The following HTT variants were observed in gnomAD, a reference collection of about 807,000 sequenced individuals.
HTT encodes the protein huntingtin, also known as huntington disease protein.
HTT carries 104 observed loss-of-function variants against 362.3 expected under a neutral mutation model. That is an observed-to-expected ratio of 0.29 (90% CI 0.24 to 0.34). The LOEUF (loss-of-function observed/expected upper bound fraction) is 0.34, where lower values mean the gene tolerates loss of function less well. Ranked by LOEUF, HTT falls within the 10% of genes least tolerant of loss-of-function variation. HTT has a pLI of 1.00. For missense variants in HTT, 3,301 were observed against 3,928.6 expected, an observed-to-expected ratio of 0.84 and a Z score of 4.27; for synonymous variants, 1,577 against 1,548.7, an observed-to-expected ratio of 1.02 and a Z score of -0.43.
chr4:3,186,215 C>T (rs1281137393), intron 37 of HTT, among the ~76,000 whole-genome samples: 1 of 152,016 alleles, frequency 6.6e-6, no homozygotes, highest in Non-Finnish European at 1.5e-5. Context: ...AAAAAAAGTG[C>T]ACACCATCCC....
In HTT at chr4:3,178,452, G is replaced by A. The variant is rs754531111; in HGVS notation, c.4612+6G>A. The A allele has an allele frequency of 2.3e-5, 37 of 1,612,508 alleles. No homozygotes were observed. Among genetic ancestry groups the A allele is most frequent in the Non-Finnish European group, 2.8e-5 (33 of 1,179,424 alleles). On this transcript the variant is annotated splice_donor_region_variant and intron_variant, in intron 35 of 66. Coordinates refer to ENST00000355072, the MANE Select transcript of HTT (RefSeq NM_001388492.1). ...AAGGAAGGCTGTGACACATGGTAAC[G>A]GGACACACCTTTCACTGTCGTCTTC...
chr4:3,126,360 A>G (rs1323220111), intron 11 of HTT, among the ~76,000 whole-genome samples: 3 of 152,084 alleles, frequency 2.0e-5, no homozygotes, highest in East Asian at 3.8e-4. Flanking sequence ...GGCCAGTTAC[A>G]GATACTTATC....
At position 3,123,552 on chromosome 4, in the gene HTT, TG is replaced by T. The variant is rs1715392112; in HGVS notation, c.1321+618del. 2.0e-5 allele frequency: 3 copies of T among 152,218 alleles called. No homozygotes were observed. The South Asian group carries it at 6.2e-4, about 32-fold the overall frequency. 9.4% of individuals were successfully genotyped at this position (152,218 alleles called of 1,614,324 possible). On this transcript the variant is annotated intron_variant, in intron 10 of 66. Transcript: ENST00000355072. ...CAAAACAAAAAAACAGCCACGCATGTGGCATGTGCCTGTAGCCTCAGCTGCT... is the reference window on the plus strand; with the variant it reads ...CAAAACAAAAAAACAGCCACGCATGTGCATGTGCCTGTAGCCTCAGCTGCT...
At chr4:3,121,694 CAAA>C (rs1019406950) in intron 9 of HTT, 55 of 39,704 alleles carry the variant, frequency 1.4e-3, no homozygotes, top group South Asian at 7.5e-3. Context: ...CCTGTCTCTA[CAAA>C]AAAAAAAAAA....
chr4:3,177,722 G>A (rs1469369864), intron 34 of HTT, among the ~76,000 whole-genome samples: 1 of 152,142 alleles, frequency 6.6e-6, no homozygotes, highest in Non-Finnish European at 1.5e-5. Flanking sequence ...TTTATATAAT[G>A]TTGTCTTTAG....
At chr4:3,160,462 A>G (rs1024197556) in intron 29 of HTT, 70 bp downstream of exon 29, 1 of 1,069,190 alleles carries the variant, frequency 9.4e-7, no homozygotes, top group African/African-American at 1.6e-5. Context: ...GGCTGAGTTC[A>G]TCTAGGATGG....
At chr4:3,235,182 TG>T (rs1218385976) in intron 61 of HTT, 101 bp from the exon 62 acceptor site, 1 of 846,242 alleles carries the variant, frequency 1.2e-6, no homozygotes. Flanking sequence ...GGAGCCCGCC[TG>T]GCCCATAGCT....
At position 3,187,733 on chromosome 4, in the gene HTT, T is replaced by C. The variant is rs372272991; in HGVS notation, c.5072T>C (p.Ile1691Thr). ...RVLISQSTEDIVLSRIQELSF... is the reference protein window; with the variant it reads ...RVLISQSTEDTVLSRIQELSF... ...CTGATTTCCCAGTCAACTGAAGATA[T>C]TGTTCTTTCTCGTATTCAGGAGCTC... The change falls in exon 39 of 67, where the codon ATT becomes ACT. Residue 1691 changes from isoleucine (I) to threonine (T), a missense_variant. Physicochemically the swap from Ile to Thr is moderately conservative, Grantham distance 89. Around this residue, in one of 4 missense-constraint regions of HTT, gnomAD observed 2,316 missense variants for 2,658.5 expected, o/e 0.87. Transcript: ENST00000355072. 2.5e-5 allele frequency: 41 copies of C among 1,614,074 alleles called. 1 individual carries two copies. Among genetic ancestry groups the C allele is most frequent in the South Asian group, 5.5e-5 (5 of 91,094 alleles).
chr4:3,161,811 T>A (rs990855656), intron 29 of HTT, among the ~76,000 whole-genome samples: 9 of 152,234 alleles, frequency 5.9e-5, no homozygotes, highest in African/African-American at 2.2e-4. Context: ...CTTTGTAGAT[T>A]CTGGATGTTA....
intron 19 of HTT, among the ~76,000 whole-genome samples, chr4:3,135,563 G>A: frequency 6.6e-6 from 1 of 152,118 alleles, no homozygotes; most frequent in East Asian, 1.9e-4. Context: ...GGGACGCTGA[G>A]CGTGCATGAG....
intron 54 of HTT, 89 bp from the exon 55 acceptor site, chr4:3,223,317 C>T: frequency 2.3e-6 from 3 of 1,297,706 alleles, no homozygotes. Flanking sequence ...CTCTTCCTCC[C>T]ATTGAGGCAG....
intron 12 of HTT, chr4:3,129,552 C>T: frequency 5.3e-6 from 1 of 187,508 alleles, no homozygotes; most frequent in Non-Finnish European, 1.1e-5. Context: ...TAGGAGATAA[C>T]CTGTTATATT....
chr4:3,228,832 C>A lies in HTT; in HGVS notation c.7980-48C>A. On this transcript the variant is annotated intron_variant, in intron 58 of 66. Coordinates refer to ENST00000355072, the MANE Select transcript of HTT (RefSeq NM_001388492.1). The surrounding 1 kb of genome is among the most constrained non-coding windows in gnomAD (Gnocchi z 4.3). ...TGTTTGAGGTGCTTCTTGAAATGAGCCTCTCATCTCATGTACTTGGAAAAT... is the reference window on the plus strand; with the variant it reads ...TGTTTGAGGTGCTTCTTGAAATGAGACTCTCATCTCATGTACTTGGAAAAT... The A allele has an allele frequency of 3.2e-6, 5 of 1,560,530 alleles. No homozygotes were observed. Among genetic ancestry groups the A allele is most frequent in the Non-Finnish European group, 3.5e-6 (4 of 1,137,262 alleles).
chr4:3,099,522 A>G (rs1189898489), intron 3 of HTT, 128 bp downstream of exon 3: 2 of 1,306,206 alleles, frequency 1.5e-6, no homozygotes, highest in East Asian at 5.0e-5. Flanking sequence ...TTTCTGATGT[A>G]TGGTTTGGAG....
At chr4:3,143,915 A>G (rs575417224) in intron 23 of HTT, among the ~76,000 whole-genome samples, 12 of 152,172 alleles carry the variant, frequency 7.9e-5, no homozygotes, top group African/African-American at 2.2e-4. Context: ...ACATTTTTAT[A>G]ATAAGAATTT....
At chr4:3,211,342 A>T (rs1284040526) in intron 47 of HTT, among the ~76,000 whole-genome samples, 1 of 152,252 alleles carries the variant, frequency 6.6e-6, no homozygotes, top group African/African-American at 2.4e-5. Context: ...TGTAAAAGAA[A>T]GCTTCAACTT....
At position 3,120,212 on chromosome 4, in the gene HTT, A is replaced by G. The variant is rs551318137; in HGVS notation, c.1069-1016A>G. On this transcript the variant is annotated intron_variant, in intron 8 of 66. Coordinates refer to ENST00000355072, the MANE Select transcript of HTT (RefSeq NM_001388492.1). ...GTTGGCAAATAGCAAATAAAAATAC[A>G]GAATACCAGTGAAATTTGAACTTCA... is the stretch of plus-strand genomic sequence containing the variant. Among the ~76,000 whole-genome samples the G allele has an allele frequency of 2.6e-5, 4 of 152,380 alleles. No homozygotes were observed. The South Asian group carries it at 8.3e-4, about 32-fold the overall frequency.
Position 3,160,358 on chromosome 4 carries a change from T to C in HTT, c.3830T>C (p.Ile1277Thr), listed in dbSNP as rs1412295903. ...LRSALDVLSQ[I>T]LELATLQDIG... ...TCAGCCTTGGATGTTCTTTCTCAGA[T>C]ACTAGAGCTGGCCACACTGCAGGAC... Residue 1277 changes from isoleucine to threonine, a missense_variant, in exon 29 of 67, where the codon ATA becomes ACA. This residue lies in a region of HTT where 2,316 missense variants were observed against 2,658.5 expected (regional missense o/e 0.87). Coordinates refer to ENST00000355072, the MANE Select transcript of HTT (RefSeq NM_001388492.1). The C allele has an allele frequency of 2.1e-5, 33 of 1,555,186 alleles. No homozygotes were observed. The Admixed American group carries it at 6.1e-4, about 29-fold the overall frequency.
intron 27 of HTT, among the ~76,000 whole-genome samples, chr4:3,155,168 A>G (rs1717080061): frequency 1.3e-5 from 2 of 151,362 alleles, no homozygotes; most frequent in Admixed American, 6.6e-5. Flanking sequence ...TGGTTCTCCC[A>G]TTTGTTTTGT....
Sources: gnomAD v4.1 joint callset for allele counts (sites outside exome capture counted in the v4.1 genomes callset) on GRCh38, gnomAD v4.1.1 for gene constraint, gnomAD v4.1.1 regional missense constraint, Gnocchi (gnomAD v3.1) non-coding constraint, MANE v1.5 for transcripts, NCBI Gene and HGNC (gene_info 2026-07-23, HGNC 2026-07-21) for gene names.